ST6GALNAC3: variants seen among roughly 807,000 people sequenced by gnomAD.
The protein encoded by ST6GALNAC3 is ST6 N-acetylgalactosaminide alpha-2,6-sialyltransferase 3.
A neutral mutation model predicts 32.7 loss-of-function variants in ST6GALNAC3; 25 were observed. The observed-to-expected ratio is 0.76, with a 90% confidence interval of 0.56 to 1.07. ST6GALNAC3 has a LOEUF of 1.07. ST6GALNAC3 is among the 50% of genes least tolerant of loss of function. The probability of loss-of-function intolerance (pLI) is 0.00; values close to 1 mark genes in which losing one functional copy is unlikely to be tolerated. For synonymous variants in ST6GALNAC3, 129 were observed against 133.1 expected, an observed-to-expected ratio of 0.97 and a Z score of 0.21; for missense variants, 355 against 382.4, an observed-to-expected ratio of 0.93 and a Z score of 0.60.
intron 2 of ST6GALNAC3, among the ~76,000 whole-genome samples, chr1:76,342,059 A>G (rs1570896463): frequency 6.6e-6 from 1 of 152,082 alleles, no homozygotes. Context: ...TAATGGCTGC[A>G]TAGTATTCCA....
chr1:76,252,832 C>T (rs552283595), intron 1 of ST6GALNAC3, among the ~76,000 whole-genome samples: 3 of 152,050 alleles, frequency 2.0e-5, no homozygotes, highest in Non-Finnish European at 2.9e-5. Context: ...TGAGGTTTGT[C>T]GAGTGGAGAA....
chr1:76,100,452 A>G (rs752325482), intron 1 of ST6GALNAC3, among the ~76,000 whole-genome samples: 4 of 152,166 alleles, frequency 2.6e-5, no homozygotes, highest in Non-Finnish European at 5.9e-5. Flanking sequence ...AAATTATTAT[A>G]TGTATTTTCT....
chr1:76,092,653 C>T (rs1647064864), intron 1 of ST6GALNAC3, among the ~76,000 whole-genome samples: 1 of 152,140 alleles, frequency 6.6e-6, no homozygotes, highest in South Asian at 2.1e-4. Context: ...TAGAAGGGCC[C>T]CATGCTTGGT....
intron 2 of ST6GALNAC3, among the ~76,000 whole-genome samples, chr1:76,338,803 G>A (rs1308774891): frequency 6.9e-6 from 1 of 145,486 alleles, no homozygotes. Context: ...CTGACTCAAA[G>A]AAATGGGGTG....
chr1:76,108,128 A>AGTCT (rs1163345114), intron 1 of ST6GALNAC3, among the ~76,000 whole-genome samples: 1 of 152,228 alleles, frequency 6.6e-6, no homozygotes, highest in African/African-American at 2.4e-5. Flanking sequence ...TGGCACCACC[A>AGTCT]GTCTCTCACT....
chr1:76,563,193 T>A (rs995525707), intron 3 of ST6GALNAC3, among the ~76,000 whole-genome samples: 1 of 152,146 alleles, frequency 6.6e-6, no homozygotes, highest in Admixed American at 6.5e-5. Context: ...AATCAATCAG[T>A]TTTCAATCTT....
At chr1:76,581,031 C>T (rs1300610371) in intron 3 of ST6GALNAC3, among the ~76,000 whole-genome samples, 2 of 151,948 alleles carry the variant, frequency 1.3e-5, no homozygotes, top group African/African-American at 4.8e-5. Context: ...ATTATGGTTG[C>T]TTTATCCATT....
Position 76,412,118 on chromosome 1 carries a change from C to A in ST6GALNAC3, c.324C>A (p.Asn108Lys). 1 of 1,613,674 alleles carries A rather than the reference C, an allele frequency of 6.2e-7. No homozygotes were observed. Reference protein sequence around the residue: ...IDRSSCIWRMNNAPTKGYEED... With the variant: ...IDRSSCIWRMKNAPTKGYEED... ...GATCCTCCTGCATTTGGAGAATGAACAATGCCCCCACCAAAGGTTATGAAG... is the reference window on the plus strand; with the variant it reads ...GATCCTCCTGCATTTGGAGAATGAAAAATGCCCCCACCAAAGGTTATGAAG... Residue 108 changes from asparagine (N) to lysine (K), a missense_variant, in exon 3 of 5, where the codon AAC becomes AAA. By Grantham distance (94) the Asn-to-Lys change is moderately conservative. Transcript: ENST00000328299.
In ST6GALNAC3 at chr1:76,240,134, A is replaced by G. The variant is rs573826173; in HGVS notation, c.19-73671A>G. ...GAAAATTAAATAAGATAACATAGGT[A>G]TAATACACAGTACAGTGTCTTGCTG... On this transcript the variant is annotated intron_variant, in intron 1 of 4. Transcript: ENST00000328299. Among the ~76,000 whole-genome samples, 145 of 152,360 alleles carry G rather than the reference A, an allele frequency of 9.5e-4. 1 individual carries two copies. Among genetic ancestry groups the G allele is most frequent in the African/African-American group, 3.2e-3 (135 of 41,588 alleles).
intron 1 of ST6GALNAC3, among the ~76,000 whole-genome samples, chr1:76,120,468 C>T (rs1648800460): frequency 6.6e-6 from 1 of 152,148 alleles, no homozygotes; most frequent in African/African-American, 2.4e-5. Context: ...TAGCAAATGC[C>T]TTATGTTAGT....
chr1:76,121,067 A>T (rs895762752), intron 1 of ST6GALNAC3, among the ~76,000 whole-genome samples: 1 of 152,110 alleles, frequency 6.6e-6, no homozygotes, highest in South Asian at 2.1e-4. Context: ...GCTTTCCCTT[A>T]TAGGGATCCC....
chr1:76,291,445 G>C (rs1337902567), intron 1 of ST6GALNAC3, among the ~76,000 whole-genome samples: 2 of 152,188 alleles, frequency 1.3e-5, no homozygotes, highest in Non-Finnish European at 2.9e-5. Context: ...GCCCAGCCGG[G>C]ACACTCCCCA....
chr1:76,432,632 T>C (rs976557291), intron 3 of ST6GALNAC3, among the ~76,000 whole-genome samples: 8 of 151,670 alleles, frequency 5.3e-5, no homozygotes, highest in Non-Finnish European at 1.2e-4. Flanking sequence ...TTTTTAAATT[T>C]TTTTTGTAAA....
At chr1:76,325,906 C>A in intron 2 of ST6GALNAC3, among the ~76,000 whole-genome samples, 1 of 151,556 alleles carries the variant, frequency 6.6e-6, no homozygotes, top group East Asian at 2.0e-4. Flanking sequence ...AGACCTACTT[C>A]TTTTTGCTCA....
At chr1:76,147,206 GC>G (rs1650742416) in intron 1 of ST6GALNAC3, among the ~76,000 whole-genome samples, 1 of 151,908 alleles carries the variant, frequency 6.6e-6, no homozygotes, top group Non-Finnish European at 1.5e-5. Flanking sequence ...GAGATTACAG[GC>G]ACCTGCCACC....
chr1:76,545,504 T>C (rs1414407491), intron 3 of ST6GALNAC3, among the ~76,000 whole-genome samples: 7 of 152,238 alleles, frequency 4.6e-5, no homozygotes, highest in Non-Finnish European at 1.0e-4. Context: ...TGGGAGGTAA[T>C]AGTAATAATA....
In ST6GALNAC3 at chr1:76,509,848, T is replaced by TG; in HGVS notation, c.623+97434dup. Among the ~76,000 whole-genome samples the TG allele has an allele frequency of 6.6e-6, 1 of 152,216 alleles. No homozygotes were observed. ...CTTTTAAGGACCCCCATGGTTACAT[T>TG]GGGCCAGAATAATCCTTCAAATTCA... On this transcript the variant is annotated intron_variant, in intron 3 of 4. Coordinates refer to ENST00000328299, the MANE Select transcript of ST6GALNAC3 (RefSeq NM_152996.4). This position sits in a 1 kb window ranked among gnomAD's most constrained non-coding sequence, Gnocchi z 5.5.
intron 1 of ST6GALNAC3, among the ~76,000 whole-genome samples, chr1:76,147,326 G>T (rs761338045): frequency 2.6e-5 from 4 of 152,172 alleles, no homozygotes; most frequent in Non-Finnish European, 5.9e-5. Context: ...GCCTCCCAAA[G>T]TGCTGGGATT....
intron 1 of ST6GALNAC3, among the ~76,000 whole-genome samples, chr1:76,266,368 C>T (rs935818099): frequency 2.0e-5 from 3 of 152,168 alleles, no homozygotes; most frequent in Admixed American, 6.5e-5. Context: ...CCGAAACTCT[C>T]GCCCTTGCCC....
Sources: allele counts gnomAD v4.1 joint callset (sites outside exome capture counted in the v4.1 genomes callset), GRCh38; gene constraint gnomAD v4.1.1; non-coding constraint Gnocchi (gnomAD v3.1); transcripts MANE v1.5; gene names NCBI Gene and HGNC (gene_info 2026-07-23, HGNC 2026-07-21).